The following GDPD5 variants were observed in gnomAD, a reference collection of about 807,000 sequenced individuals.
The protein encoded by GDPD5 is glycerophosphodiester phosphodiesterase 2.
In GDPD5, 48 loss-of-function variants were observed where a neutral mutation model predicts 75.1. That is an observed-to-expected ratio of 0.64 (90% CI 0.51 to 0.81). The LOEUF (loss-of-function observed/expected upper bound fraction) is 0.81, where lower values mean the gene tolerates loss of function less well. GDPD5 is among the 40% of genes least tolerant of loss of function. GDPD5 has a pLI of 0.00. For missense variants in GDPD5, 706 were observed against 822.6 expected (o/e 0.86, Z 1.73); for synonymous variants, 336 against 339.0 (o/e 0.99, Z 0.10).
intron 3 of GDPD5, among the ~76,000 whole-genome samples, chr11:75,468,418 G>A (rs1319417069): frequency 2.0e-5 from 3 of 152,174 alleles, no homozygotes; most frequent in African/African-American, 7.2e-5. Context: ...GTCCTTCTGT[G>A]GACTCAAAAT....
At chr11:75,514,454 G>A (rs549685126) in intron 1 of GDPD5, among the ~76,000 whole-genome samples, 69 of 152,378 alleles carry the variant, frequency 4.5e-4, no homozygotes, top group African/African-American at 1.6e-3. Context: ...CAGGACCCAG[G>A]CCTTTAGGCC....
chr11:75,488,426 G>A (rs1454502445), intron 2 of GDPD5, among the ~76,000 whole-genome samples: 2 of 152,172 alleles, frequency 1.3e-5, no homozygotes, highest in African/African-American at 4.8e-5. Flanking sequence ...GTCCCAGGGA[G>A]AGGGGAGTGG....
At chr11:75,470,151 T>C (rs762197021) in intron 3 of GDPD5, among the ~76,000 whole-genome samples, 49 of 152,240 alleles carry the variant, frequency 3.2e-4, no homozygotes, top group Non-Finnish European at 2.6e-4. Context: ...AAAGGACTTA[T>C]TGAGAGAACA....
Position 75,435,597 on chromosome 11 carries a change from A to C in GDPD5, c.1728T>G (p.Tyr576Ter). Reference sequence around the variant, plus strand: ...TGGCGGTGCTGTTGGCATATGTGTCATAACTGTTGTCTGAACATACGGAGA... The same window carrying C: ...TGGCGGTGCTGTTGGCATATGTGTCCTAACTGTTGTCTGAACATACGGAGA... ...DVLSVCSDNSYDTYANSTATP... is the reference protein window; with the variant it reads ...DVLSVCSDNS Residue 576 changes from tyrosine to a stop codon, truncating the protein, a stop_gained, in exon 17 of 17, where the codon TAT becomes TAG. Coordinates refer to ENST00000336898, the MANE Select transcript of GDPD5 (RefSeq NM_030792.8). LOFTEE classifies it high-confidence loss of function. 1 of 1,613,708 alleles carries C rather than the reference A, an allele frequency of 6.2e-7. No homozygotes were observed. Among genetic ancestry groups the C allele is most frequent in the Non-Finnish European group, 8.5e-7 (1 of 1,179,804 alleles).
chr11:75,439,173 A>AG, intron 15 of GDPD5, among the ~76,000 whole-genome samples: 1 of 152,224 alleles, frequency 6.6e-6, no homozygotes, highest in East Asian at 1.9e-4. Context: ...CGGGAGGAGC[A>AG]GAAAAGAGGA....
Position 75,441,668 on chromosome 11 carries a change from G to C in GDPD5, c.1303C>G (p.Gln435Glu), listed in dbSNP as rs1225463180. 2.5e-6 allele frequency: 4 copies of C among 1,595,186 alleles called. No individual in the cohort carries two copies. The highest frequency in any genetic ancestry group is 2.6e-6 in the Non-Finnish European group (3 of 1,172,038). ...HIQRLNLRYT[Q>E]VSRQELRDYA... ...CACCTGAGCTCCTGGCGGGACACCTGAGTGTAGCGCAGGTTCAGCCGCTGG... is the reference window on the plus strand; with the variant it reads ...CACCTGAGCTCCTGGCGGGACACCTCAGTGTAGCGCAGGTTCAGCCGCTGG... Residue 435 changes from glutamine to glutamate, a missense_variant, in exon 13 of 17, where the codon CAG becomes GAG. Transcript: ENST00000336898.
Position 75,441,245 on chromosome 11 carries a change from A to C in GDPD5, c.1391T>G (p.Leu464Arg). 1 of 1,614,098 alleles carries C rather than the reference A, an allele frequency of 6.2e-7. No individual in the cohort carries two copies. The highest frequency in any genetic ancestry group is 8.5e-7 in the Non-Finnish European group (1 of 1,179,982). The change falls in exon 14 of 17, where the codon CTG (leucine) becomes CGG (arginine). Residue 464 changes from leucine (L) to arginine (R), a missense_variant. Coordinates refer to ENST00000336898, the MANE Select transcript of GDPD5 (RefSeq NM_030792.8). ...GGATGGGACCCCCGCACACCACAGC[A>C]GGGAGAAGAGCCACGGTGCGTTGAC... is the stretch of plus-strand genomic sequence containing the variant. ...YTVNAPWLFSLLWCAGVPSVT... is the reference protein window; with the variant it reads ...YTVNAPWLFSRLWCAGVPSVT...
rs576864820 is a variant in GDPD5 at position 75,493,590 on chromosome 11, A to G, written c.-144-3270T>C. Among the ~76,000 whole-genome samples, 8 of 152,118 alleles carry G rather than the reference A, an allele frequency of 5.3e-5. No homozygotes were observed. The East Asian group carries it at 1.5e-3, about 29-fold the overall frequency. The stretch of plus-strand genomic sequence containing the variant: ...TCTCCATTTCTCAAACTTGAAGAAC[A>G]AAAGGTGATTCTGTTAAGATGCTGT... On this transcript the variant is annotated intron_variant, in intron 1 of 16. Coordinates refer to ENST00000336898, the MANE Select transcript of GDPD5 (RefSeq NM_030792.8).
chr11:75,449,365 T>C lies in GDPD5; in HGVS notation c.568+152A>G, dbSNP rs1286150337. The C allele has an allele frequency of 5.1e-6, 4 of 784,986 alleles. No homozygotes were observed. In the African/African-American group the frequency reaches 6.9e-5, roughly 14 times the overall value. 48.6% of individuals were successfully genotyped at this position (784,986 alleles called of 1,614,324 possible). ...AAGCTGTGACCCTCCGTGGACTCTG[T>C]GGGCCACTCTGAGCCAGAATCCCCC... On this transcript the variant is annotated intron_variant, in intron 8 of 16. Coordinates refer to ENST00000336898, the MANE Select transcript of GDPD5 (RefSeq NM_030792.8).
At chr11:75,442,270 G>A (rs1436063172) in intron 12 of GDPD5, 93 bp downstream of exon 12, 1 of 942,810 alleles carries the variant, frequency 1.1e-6, no homozygotes. Flanking sequence ...TGGGAAAGCT[G>A]AAGTCCGGAG....
intron 1 of GDPD5, among the ~76,000 whole-genome samples, chr11:75,494,068 T>G (rs1374334104): frequency 6.6e-6 from 1 of 152,216 alleles, no homozygotes; most frequent in Non-Finnish European, 1.5e-5. Context: ...TTCATGTCTA[T>G]TTAAAGATTT....
At chr11:75,443,393 C>T in intron 10 of GDPD5, 107 bp from the exon 11 acceptor site, 1 of 1,331,362 alleles carries the variant, frequency 7.5e-7, no homozygotes, top group Non-Finnish European at 1.0e-6. Flanking sequence ...AGGATCCCGG[C>T]TGGCTCTGCC....
intron 14 of GDPD5, among the ~76,000 whole-genome samples, chr11:75,440,222 T>G (rs1793404): frequency 0.72 from 109,582 of 151,932 alleles, 41,199 homozygotes; most frequent in East Asian, 0.92. Flanking sequence ...GGCAGAGGGG[T>G]TGTGTGCTAG....
At chr11:75,476,389 A>C (rs1949779215) in intron 3 of GDPD5, among the ~76,000 whole-genome samples, 2 of 150,902 alleles carry the variant, frequency 1.3e-5, no homozygotes, top group South Asian at 4.2e-4. Context: ...CCTCCAGTTC[A>C]CCGTTGAGGG....
chr11:75,436,921 T>C lies in GDPD5; in HGVS notation c.1669+15A>G. The C allele has an allele frequency of 1.2e-6, 2 of 1,600,266 alleles. No individual in the cohort carries two copies. The highest frequency in any genetic ancestry group is 1.7e-6 in the Non-Finnish European group (2 of 1,168,034). ...GGCCCAGGGCCTGCCTCCACCTGTC[T>C]GCAGGGCTGTGTACCTGAGAAAATA... On this transcript the variant is annotated intron_variant, in intron 16 of 16. Coordinates refer to ENST00000336898, the MANE Select transcript of GDPD5 (RefSeq NM_030792.8).
chr11:75,469,032 A>G (rs1467699617), intron 3 of GDPD5, among the ~76,000 whole-genome samples: 3 of 152,224 alleles, frequency 2.0e-5, no homozygotes, highest in Non-Finnish European at 4.4e-5. Flanking sequence ...CGCGTCTGAC[A>G]GCCCTTTAAT....
chr11:75,487,075 G>C (rs1455987006), intron 2 of GDPD5, among the ~76,000 whole-genome samples: 1 of 152,196 alleles, frequency 6.6e-6, no homozygotes. Flanking sequence ...GAAAGATTCT[G>C]GAAAAAGCCC....
At chr11:75,504,493 ACAAAGAAGGGGATC>A (rs1950355704) in intron 1 of GDPD5, among the ~76,000 whole-genome samples, 1 of 152,348 alleles carries the variant, frequency 6.6e-6, no homozygotes, top group Admixed American at 6.5e-5. Context: ...CTCCGCCTGA[ACAAAGAAGGGGATC>A]CAGCCACATG....
At chr11:75,489,427 GTTTCACCT>G (rs1334197291) in intron 2 of GDPD5, among the ~76,000 whole-genome samples, 2 of 152,200 alleles carry the variant, frequency 1.3e-5, no homozygotes, top group Non-Finnish European at 2.9e-5. Flanking sequence ...AAATGTCGAG[GTTTCACCT>G]TGGTGACCAA....
Sources: gnomAD v4.1 joint callset for allele counts (sites outside exome capture counted in the v4.1 genomes callset) on GRCh38, gnomAD v4.1.1 for gene constraint, MANE v1.5 for transcripts, NCBI Gene and HGNC (gene_info 2026-07-23, HGNC 2026-07-21) for gene names.